Variants in EGFR observed in about 807,000 individuals in gnomAD.
EGFR encodes epidermal growth factor receptor, also known as avian erythroblastic leukemia viral (v-erb-b) oncogene homolog.
EGFR carries 58 observed loss-of-function variants against 143.0 expected under a neutral mutation model. The ratio of observed to expected loss-of-function variants is 0.41; its 90% CI spans 0.33 to 0.50. EGFR has a LOEUF of 0.50. Ranked by LOEUF, EGFR falls within the 20% of genes least tolerant of loss-of-function variation. The probability of loss-of-function intolerance (pLI) is 0.39; values close to 1 mark genes in which losing one functional copy is unlikely to be tolerated. For synonymous variants in EGFR, 613 were observed against 594.4 expected (o/e 1.03, Z -0.45); for missense variants, 1,307 against 1,579.0 (o/e 0.83, Z 2.92).
At chr7:55,031,651 A>G (rs1021587131) in intron 1 of EGFR, among the ~76,000 whole-genome samples, 14 of 152,208 alleles carry the variant, frequency 9.2e-5, no homozygotes, top group Admixed American at 8.5e-4. Context: ...TCTTTGGGCA[A>G]TGGCTACTAA....
rs201830126 is a variant in EGFR, at chr7:55,200,330, G to A, written c.2863G>A (p.Ala955Thr). The A allele has an allele frequency of 9.9e-6, 16 of 1,614,052 alleles. No individual in the cohort carries two copies. The highest frequency in any genetic ancestry group is 2.2e-5 in the East Asian group (1 of 44,868). The change falls in exon 24 of 28, where the codon GCA (alanine) becomes ACA (threonine). Residue 955 changes from alanine to threonine, a missense_variant. Physicochemically the swap from Ala to Thr is moderately conservative, Grantham distance 58 (BLOSUM62 0). Around this residue, in one of 7 missense-constraint regions of EGFR, gnomAD observed 348 missense variants for 451.5 expected, o/e 0.77. Transcript: ENST00000275493. ...MIMVKCWMID[A>T]DSRPKFRELI... ...TCCTTCCCCAGGCTGGATGATAGAC[G>A]CAGATAGTCGCCCAAAGTTCCGTGA...
Position 55,065,830 on chromosome 7 carries a change from C to CTTTTTT in EGFR, c.88+46478_88+46483dup, listed in dbSNP as rs35171442. ...GACAACATAGTAAGTGACTAAGTGG[C>CTTTTTT]TTTTTTTTTTTTTTTTTTGCCAAGT... On this transcript the variant is annotated intron_variant, in intron 1 of 27. Coordinates refer to ENST00000275493, the MANE Select transcript of EGFR (RefSeq NM_005228.5). Among the ~76,000 whole-genome samples, 5 of 120,476 alleles carry CTTTTTT rather than the reference C, an allele frequency of 4.2e-5. 1 individual carries two copies. Among genetic ancestry groups the CTTTTTT allele is most frequent in the Non-Finnish European group, 6.8e-5 (4 of 59,060 alleles). 79.0% of individuals were successfully genotyped at this position (120,476 alleles called of 152,430 possible).
At chr7:55,175,248 C>T (rs2128955260) in intron 19 of EGFR, among the ~76,000 whole-genome samples, 1 of 152,332 alleles carries the variant, frequency 6.6e-6, no homozygotes, top group South Asian at 2.1e-4. Context: ...TCAATTCACT[C>T]CACCAAGTTA....
intron 27 of EGFR, among the ~76,000 whole-genome samples, chr7:55,204,895 T>TACACCACACACAC (rs1788048048): frequency 7.1e-6 from 1 of 141,772 alleles, no homozygotes; most frequent in African/African-American, 2.6e-5. Context: ...CACACACACA[T>TACACCACACACAC]ACACCACACA....
intron 1 of EGFR, among the ~76,000 whole-genome samples, chr7:55,133,783 A>G (rs1438766131): frequency 6.6e-6 from 1 of 152,142 alleles, no homozygotes; most frequent in African/African-American, 2.4e-5. Context: ...GCGCCACTGG[A>G]GGAGCCACAC....
chr7:55,170,031 T>C (rs1786264700), intron 15 of EGFR, among the ~76,000 whole-genome samples: 1 of 152,192 alleles, frequency 6.6e-6, no homozygotes, highest in South Asian at 2.1e-4. Flanking sequence ...TAGGAGGTAG[T>C]GGGGTGGGCA....
intron 1 of EGFR, among the ~76,000 whole-genome samples, chr7:55,070,789 C>G (rs1413990258): frequency 6.6e-6 from 1 of 152,230 alleles, no homozygotes; most frequent in African/African-American, 2.4e-5. Context: ...CTTGCTATTT[C>G]TATCCGTAGA....
chr7:55,094,125 G>T (rs1791297760), intron 1 of EGFR, among the ~76,000 whole-genome samples: 1 of 152,168 alleles, frequency 6.6e-6, no homozygotes, highest in African/African-American at 2.4e-5. Context: ...TTCTGAAGGG[G>T]GCTGCTTGAC....
At chr7:55,019,628 G>C (rs1221201879) in intron 1 of EGFR, among the ~76,000 whole-genome samples, 2 of 152,074 alleles carry the variant, frequency 1.3e-5, no homozygotes, top group African/African-American at 4.8e-5. Context: ...CGGCCGCCGG[G>C]ACCTCCGGCG....
intron 4 of EGFR, among the ~76,000 whole-genome samples, chr7:55,149,668 C>A (rs1253173398): frequency 2.6e-5 from 4 of 151,716 alleles, no homozygotes; most frequent in African/African-American, 9.7e-5. Flanking sequence ...TATCACATTT[C>A]GGAATAAGAG....
intron 1 of EGFR, among the ~76,000 whole-genome samples, chr7:55,059,747 T>A (rs1398623662): frequency 6.6e-6 from 1 of 152,222 alleles, no homozygotes; most frequent in Non-Finnish European, 1.5e-5. Context: ...TAGTCTATAG[T>A]AGACTTCTGT....
chr7:55,192,353 GC>G (rs1268357376), intron 21 of EGFR, among the ~76,000 whole-genome samples: 1 of 152,128 alleles, frequency 6.6e-6, no homozygotes, highest in African/African-American at 2.4e-5. Context: ...GACCCTCACA[GC>G]ACTAAGGGGT....
chr7:55,141,261 T>C (rs1794442439), intron 1 of EGFR, among the ~76,000 whole-genome samples: 1 of 152,230 alleles, frequency 6.6e-6, no homozygotes, highest in Admixed American at 6.5e-5. Flanking sequence ...GACTCTCTTT[T>C]GTTATGCTTG....
chr7:55,106,520 G>C (rs1382200601), intron 1 of EGFR, among the ~76,000 whole-genome samples: 1 of 152,238 alleles, frequency 6.6e-6, no homozygotes, highest in African/African-American at 2.4e-5. Context: ...TCCAGGGATT[G>C]TTTATCAATC....
At chr7:55,140,954 G>A (rs1409416269) in intron 1 of EGFR, among the ~76,000 whole-genome samples, 1 of 152,194 alleles carries the variant, frequency 6.6e-6, no homozygotes, top group Non-Finnish European at 1.5e-5. Flanking sequence ...CATTGAGAGG[G>A]CAGACAGTCC....
chr7:55,032,196 A>C (rs888436800), intron 1 of EGFR, among the ~76,000 whole-genome samples: 1 of 152,220 alleles, frequency 6.6e-6, no homozygotes, highest in South Asian at 2.1e-4. Context: ...GTTTAAGAGA[A>C]GTCTCAAAAG....
At chr7:55,122,424 G>A (rs769002113) in intron 1 of EGFR, among the ~76,000 whole-genome samples, 1 of 152,176 alleles carries the variant, frequency 6.6e-6, no homozygotes, top group Non-Finnish European at 1.5e-5. Flanking sequence ...TGGTGGCAGT[G>A]GGGGGAACCG....
At chr7:55,185,910 A>AT (rs1787114992) in intron 20 of EGFR, among the ~76,000 whole-genome samples, 1 of 152,220 alleles carries the variant, frequency 6.6e-6, no homozygotes, top group Non-Finnish European at 1.5e-5. Flanking sequence ...GGGCTACTTA[A>AT]TTTGGTCCAA....
chr7:55,038,643 T>G (rs1295511933), intron 1 of EGFR, among the ~76,000 whole-genome samples: 1 of 152,180 alleles, frequency 6.6e-6, no homozygotes, highest in African/African-American at 2.4e-5. Flanking sequence ...ATTTTTAAAT[T>G]TTTGTTTATT....
Sources: gnomAD v4.1 joint callset for allele counts (sites outside exome capture counted in the v4.1 genomes callset) on GRCh38, gnomAD v4.1.1 for gene constraint, gnomAD v4.1.1 regional missense constraint, MANE v1.5 for transcripts, NCBI Gene and HGNC (gene_info 2026-07-23, HGNC 2026-07-21) for gene names.